The following CTNNA3 variants were observed in gnomAD, a reference collection of about 807,000 sequenced individuals.
CTNNA3 encodes catenin alpha-3.
In CTNNA3, 76 loss-of-function variants were observed where a neutral mutation model predicts 95.7. That is an observed-to-expected ratio of 0.79 (90% CI 0.66 to 0.96). CTNNA3 has a LOEUF of 0.96. CTNNA3 is among the 40% of genes least tolerant of loss of function. The pLI, the probability that CTNNA3 is intolerant of heterozygous loss-of-function variation, is 0.00. For missense variants in CTNNA3, 1,191 were observed against 1,089.8 expected, an observed-to-expected ratio of 1.09 and a Z score of -1.31; for synonymous variants, 431 against 374.4, an observed-to-expected ratio of 1.15 and a Z score of -1.74.
chr10:67,583,461 A>T (rs1842491934), intron 3 of CTNNA3, among the ~76,000 whole-genome samples: 2 of 152,278 alleles, frequency 1.3e-5, no homozygotes, highest in Admixed American at 1.3e-4. Flanking sequence ...TTTGTGGGTA[A>T]CCTGATCTTT....
chr10:66,365,473 C>T (rs377459175), intron 12 of CTNNA3, among the ~76,000 whole-genome samples: 98 of 152,112 alleles, frequency 6.4e-4, no homozygotes, highest in African/African-American at 2.1e-3. Context: ...CACCAGGGCA[C>T]GCGTATACCT....
chr10:66,346,244 TATAGAGAGAGAG>T (rs2092516619), intron 12 of CTNNA3, among the ~76,000 whole-genome samples: 4 of 9,036 alleles, frequency 4.4e-4, no homozygotes, highest in Admixed American at 1.3e-3. Flanking sequence ...TATATATATA[TATAGAGAGAGAG>T]AGAGAGAGAG....
intron 12 of CTNNA3, among the ~76,000 whole-genome samples, chr10:66,349,925 C>T (rs960440426): frequency 1.4e-4 from 21 of 152,034 alleles, no homozygotes; most frequent in African/African-American, 4.6e-4. Flanking sequence ...TTTGATCCTG[C>T]AGTTTTCTTT....
intron 13 of CTNNA3, among the ~76,000 whole-genome samples, chr10:66,193,620 T>C (rs118029533): frequency 0.033 from 5,024 of 152,294 alleles, 129 homozygotes; most frequent in Middle Eastern, 0.048. Flanking sequence ...TTTTAGACAA[T>C]ATAGCACAGT....
At chr10:66,048,924 C>T (rs1217833787) in intron 15 of CTNNA3, among the ~76,000 whole-genome samples, 2 of 151,862 alleles carry the variant, frequency 1.3e-5, no homozygotes, top group Non-Finnish European at 2.9e-5. Context: ...GCAACAAAAG[C>T]AAAAATTGAC....
intron 7 of CTNNA3, among the ~76,000 whole-genome samples, chr10:67,042,675 G>C (rs916115756): frequency 6.6e-6 from 1 of 151,970 alleles, no homozygotes; most frequent in African/African-American, 2.4e-5. Context: ...AAAGGTAAGA[G>C]TGGGGAAACT....
chr10:66,221,468 C>G (rs1433502783), intron 13 of CTNNA3, among the ~76,000 whole-genome samples: 2 of 152,288 alleles, frequency 1.3e-5, no homozygotes, highest in South Asian at 4.1e-4. Flanking sequence ...ATTTTTAAGT[C>G]AAAAGAGCAT....
In CTNNA3 at chr10:66,852,599, G is replaced by A. The variant is rs538207902; in HGVS notation, c.1048-77075C>T. ...TCTCCTTTGCAGTGACATAATATAA[G>A]CTAAACACTGGGGAGACGCATGAAG... On this transcript the variant is annotated intron_variant, in intron 7 of 17. Coordinates refer to ENST00000433211, the MANE Select transcript of CTNNA3 (RefSeq NM_013266.4). Among the ~76,000 whole-genome samples the A allele has an allele frequency of 8.5e-5, 13 of 152,172 alleles. No individual in the cohort carries two copies. The South Asian group carries it at 2.5e-3, about 29-fold the overall frequency.
intron 1 of CTNNA3, among the ~76,000 whole-genome samples, chr10:67,694,632 T>G (rs1840929350): frequency 1.3e-5 from 2 of 152,112 alleles, no homozygotes; most frequent in Admixed American, 1.3e-4. Flanking sequence ...GTTACACAAA[T>G]TTAAAATAAC....
At chr10:66,410,506 C>T (rs2093094831) in intron 11 of CTNNA3, among the ~76,000 whole-genome samples, 1 of 152,102 alleles carries the variant, frequency 6.6e-6, no homozygotes, top group African/African-American at 2.4e-5. Context: ...GTGCCTTGGC[C>T]CCACGCTTTT....
chr10:67,754,382 A>G (rs1386827756), intron 1 of CTNNA3, among the ~76,000 whole-genome samples: 1 of 152,160 alleles, frequency 6.6e-6, no homozygotes, highest in African/African-American at 2.4e-5. Context: ...ATGGGTTGAT[A>G]GGTACAGCAA....
chr10:66,791,825 T>C (rs777442150), intron 7 of CTNNA3, among the ~76,000 whole-genome samples: 1 of 152,078 alleles, frequency 6.6e-6, no homozygotes, highest in Non-Finnish European at 1.5e-5. Flanking sequence ...GAGTTAGCAG[T>C]AGTTTGTGAA....
chr10:67,239,365 TA>T (rs11330069), intron 5 of CTNNA3, among the ~76,000 whole-genome samples: 125,271 of 142,934 alleles, frequency 0.88, 54,707 homozygotes, highest in South Asian at 0.91. Flanking sequence ...CTACACGTGA[TA>T]AAAAAAAAAA....
intron 13 of CTNNA3, among the ~76,000 whole-genome samples, chr10:66,177,861 T>C (rs1481561261): frequency 6.6e-6 from 1 of 151,910 alleles, no homozygotes; most frequent in African/African-American, 2.4e-5. Context: ...ATAAGAAACA[T>C]TTTTGATTAT....
intron 7 of CTNNA3, among the ~76,000 whole-genome samples, chr10:67,044,911 C>G (rs1293147583): frequency 6.6e-6 from 1 of 152,064 alleles, no homozygotes; most frequent in Non-Finnish European, 1.5e-5. Flanking sequence ...CTATTTCCCC[C>G]TGGGAAAAAC....
intron 1 of CTNNA3, among the ~76,000 whole-genome samples, chr10:67,753,059 C>T (rs1376280134): frequency 3.9e-5 from 6 of 151,964 alleles, no homozygotes; most frequent in Non-Finnish European, 7.4e-5. Context: ...TCATGTTACC[C>T]AACTTCAAAC....
In CTNNA3 at chr10:66,840,409, CA is replaced by C. The variant is rs1339739019; in HGVS notation, c.1048-64886del. ...ACACACACACACACACACACACACACACCCCTCGGTATAGGTTGGAAGTCCT... is the reference window on the plus strand; with the variant it reads ...ACACACACACACACACACACACACACCCCCTCGGTATAGGTTGGAAGTCCT... On this transcript the variant is annotated intron_variant, in intron 7 of 17. Coordinates refer to ENST00000433211, the MANE Select transcript of CTNNA3 (RefSeq NM_013266.4). 2.8e-4 allele frequency among the ~76,000 whole-genome samples: 40 copies of C among 141,870 alleles called. 1 individual carries two copies. Among genetic ancestry groups the C allele is most frequent in the African/African-American group, 9.3e-4 (35 of 37,580 alleles). 93.1% of individuals were successfully genotyped at this position (141,870 alleles called of 152,430 possible).
intron 10 of CTNNA3, among the ~76,000 whole-genome samples, chr10:66,613,724 T>G (rs1844410052): frequency 7.0e-6 from 1 of 143,562 alleles, no homozygotes; most frequent in African/African-American, 3.0e-5. Flanking sequence ...ACGCGACTGT[T>G]TGTTTCCAAA....
chr10:66,669,569 C>G (rs900517164), intron 9 of CTNNA3, among the ~76,000 whole-genome samples: 1 of 151,872 alleles, frequency 6.6e-6, no homozygotes. Context: ...AAAAAGAAAT[C>G]TAAAGTTAAA....
Sources: allele counts gnomAD v4.1 joint callset (sites outside exome capture counted in the v4.1 genomes callset), GRCh38; gene constraint gnomAD v4.1.1; transcripts MANE v1.5; gene names NCBI Gene and HGNC (gene_info 2026-07-23, HGNC 2026-07-21).